Variants in PRRG1 observed in about 807,000 individuals in gnomAD.
PRRG1 encodes the protein proline rich and Gla domain 1.
In PRRG1, 5 loss-of-function variants were observed where a neutral mutation model predicts 11.8. The observed-to-expected ratio is 0.42, with a 90% CI of 0.22 to 0.89. The LOEUF (loss-of-function observed/expected upper bound fraction) is 0.89, where lower values mean the gene tolerates loss of function less well. Ranked by LOEUF, PRRG1 falls within the 40% of genes least tolerant of loss-of-function variation. The probability of loss-of-function intolerance (pLI) is 0.28; values close to 1 mark genes in which losing one functional copy is unlikely to be tolerated. For missense variants in PRRG1, 155 were observed against 166.1 expected, an observed-to-expected ratio of 0.93 and a Z score of 0.37; for synonymous variants, 66 against 60.4, an observed-to-expected ratio of 1.09 and a Z score of -0.43.
chrX:37,423,082 GA>G (rs1556387492), intron 2 of PRRG1, among the ~76,000 whole-genome samples: 1 of 111,136 alleles, frequency 9.0e-6, no homozygotes, highest in Non-Finnish European at 1.9e-5. Flanking sequence ...ATAAGATGTG[GA>G]TGTGGAAGAC....
intron 1 of PRRG1, among the ~76,000 whole-genome samples, chrX:37,373,898 A>G (rs1556371449): frequency 9.0e-6 from 1 of 111,718 alleles, no homozygotes; most frequent in African/African-American, 3.2e-5. Context: ...TGAGTATGCT[A>G]TTAGCTGTGG....
At chrX:37,380,307 G>A (rs1287340552) in intron 1 of PRRG1, among the ~76,000 whole-genome samples, 1 of 111,679 alleles carries the variant, frequency 9.0e-6, no homozygotes, top group Non-Finnish European at 1.9e-5. Context: ...TAATTTGCAA[G>A]TTGCAAAAAT....
At chrX:37,441,652 C>T (rs1312788757) in intron 3 of PRRG1, 7 of 799,043 alleles carry the variant, frequency 8.8e-6, no homozygotes, top group South Asian at 5.4e-5. Flanking sequence ...CTACTTCGAC[C>T]GGGACAATGC....
At chrX:37,453,099 A>G (rs782306025) in intron 3 of PRRG1, 37 bp from the exon 4 acceptor site, 2 of 1,126,519 alleles carry the variant, frequency 1.8e-6, no homozygotes, top group East Asian at 3.1e-5. Context: ...TCTTTTATTC[A>G]TACTGATTTT....
At chrX:37,416,055 A>G (rs782735371) in intron 2 of PRRG1, among the ~76,000 whole-genome samples, 2 of 112,159 alleles carry the variant, frequency 1.8e-5, no homozygotes, top group South Asian at 3.7e-4. Context: ...ACATAAAAAC[A>G]TGTCTTTCAC....
chrX:37,393,101 A>C (rs1931596511), intron 1 of PRRG1, among the ~76,000 whole-genome samples: 1 of 111,253 alleles, frequency 9.0e-6, no homozygotes, highest in South Asian at 3.7e-4. Flanking sequence ...GTTCATTTGC[A>C]TAGCTTGCCT....
At chrX:37,438,479 C>T (rs1556392656) in intron 3 of PRRG1, among the ~76,000 whole-genome samples, 1 of 100,956 alleles carries the variant, frequency 9.9e-6, no homozygotes, top group Non-Finnish European at 2.0e-5. Context: ...TCTTATTGCC[C>T]AGGCTGGAGT....
intron 2 of PRRG1, among the ~76,000 whole-genome samples, chrX:37,406,940 A>G (rs1932204118): frequency 1.8e-5 from 2 of 112,059 alleles, no homozygotes; most frequent in African/African-American, 3.2e-5. Flanking sequence ...TTTGAGTGCA[A>G]AGGTTGAGGA....
chrX:37,350,991 C>G (rs1930041910), intron 1 of PRRG1, among the ~76,000 whole-genome samples: 1 of 110,879 alleles, frequency 9.0e-6, no homozygotes, highest in Admixed American at 9.6e-5. Flanking sequence ...CTAGACTTAG[C>G]CTGATTCACT....
At chrX:37,350,151 T>C (rs1458747199) in intron 1 of PRRG1, among the ~76,000 whole-genome samples, 3 of 111,349 alleles carry the variant, frequency 2.7e-5, no homozygotes, top group Non-Finnish European at 5.7e-5. Context: ...ATTTGATCAC[T>C]GGTAGGAACA....
At chrX:37,389,799 G>A (rs1376236021) in intron 1 of PRRG1, among the ~76,000 whole-genome samples, 1 of 111,528 alleles carries the variant, frequency 9.0e-6, no homozygotes, top group Non-Finnish European at 1.9e-5. Flanking sequence ...TTAAAGAGAT[G>A]TGGCTAGGAT....
chrX:37,403,910 G>A (rs184148542), intron 1 of PRRG1: 18 of 304,103 alleles, frequency 5.9e-5, no homozygotes, highest in African/African-American at 4.4e-4. Context: ...TGAAACGCTC[G>A]GTGAGGTGGC....
chrX:37,424,487 A>G (rs1157918077), intron 2 of PRRG1, among the ~76,000 whole-genome samples: 1 of 111,424 alleles, frequency 9.0e-6, no homozygotes, highest in Non-Finnish European at 1.9e-5. Context: ...CTCCAACTTA[A>G]CAGTAACCTT....
chrX:37,403,804 G>T (rs994574186), intron 1 of PRRG1: 20 of 735,605 alleles, frequency 2.7e-5, no homozygotes, highest in Non-Finnish European at 2.6e-5. Flanking sequence ...GGAGTTTGGG[G>T]CTTGAGGTGA....
chrX:37,422,425 C>G (rs1434496940), intron 2 of PRRG1, among the ~76,000 whole-genome samples: 1 of 111,484 alleles, frequency 9.0e-6, no homozygotes, highest in Non-Finnish European at 1.9e-5. Flanking sequence ...GATGCAGACT[C>G]AAATCCATTT....
intron 1 of PRRG1, among the ~76,000 whole-genome samples, chrX:37,370,454 G>C (rs1304167588): frequency 1.8e-5 from 2 of 111,886 alleles, no homozygotes; most frequent in Admixed American, 1.9e-4. Context: ...ACTCCATGGA[G>C]CCAGCAGGGG....
chrX:37,403,789 C>T lies in PRRG1; in HGVS notation c.-41-2420C>T, dbSNP rs191018070. 1.4e-3 allele frequency: 1,050 copies of T among 747,672 alleles called. 5 individuals carry two copies. In the African/African-American group the frequency reaches 0.022, roughly 16 times the overall value. 61.6% of individuals were successfully genotyped at this position (747,672 alleles called of 1,213,427 possible). A position where few individuals can be genotyped will look rare whatever the true frequency, so the allele number is the denominator to read the frequency against. ...GAAGAAGCAAGGAGGTAACCTGGGCCTGGGGGAGTTTGGGGCTTGAGGTGA... is the reference window on the plus strand; with the variant it reads ...GAAGAAGCAAGGAGGTAACCTGGGCTTGGGGGAGTTTGGGGCTTGAGGTGA... On this transcript the variant is annotated intron_variant, in intron 1 of 3. Transcript: ENST00000378628.
At chrX:37,401,238 A>G (rs1287872474) in intron 1 of PRRG1, among the ~76,000 whole-genome samples, 22 of 111,175 alleles carry the variant, frequency 2.0e-4, no homozygotes, top group African/African-American at 7.2e-4. Context: ...ATCCTCAATA[A>G]AATACTGGCA....
intron 1 of PRRG1, among the ~76,000 whole-genome samples, chrX:37,397,597 C>T (rs1931760818): frequency 8.9e-6 from 1 of 112,158 alleles, no homozygotes; most frequent in South Asian, 3.7e-4. Flanking sequence ...ACTTTCTACT[C>T]AGGTAATGAG....
Sources: gnomAD v4.1 joint callset for allele counts (sites outside exome capture counted in the v4.1 genomes callset) on GRCh38, gnomAD v4.1.1 for gene constraint, MANE v1.5 for transcripts, NCBI Gene and HGNC (gene_info 2026-07-23, HGNC 2026-07-21) for gene names.